The following CYP19A1 variants were observed in gnomAD, a reference collection of about 807,000 sequenced individuals.
CYP19A1 encodes aromatase.
CYP19A1 carries 32 observed loss-of-function variants against 44.4 expected under a neutral mutation model. The ratio of observed to expected loss-of-function variants is 0.72; its 90% CI spans 0.54 to 0.97. The LOEUF (loss-of-function observed/expected upper bound fraction) is 0.97. Ranked by LOEUF, CYP19A1 falls within the 50% of genes least tolerant of loss-of-function variation. The pLI is 0.00. For missense variants in CYP19A1, 598 were observed against 637.8 expected (o/e 0.94, Z 0.67); for synonymous variants, 212 against 215.6 (o/e 0.98, Z 0.14).
At chr15:51,249,026 G>A (rs893862867) in intron 1 of CYP19A1, among the ~76,000 whole-genome samples, 13 of 150,060 alleles carry the variant, frequency 8.7e-5, no homozygotes, top group Admixed American at 6.0e-4. Context: ...TGCAACCTCC[G>A]CCTCCCAGGT....
chr15:51,222,525 G>C lies in CYP19A1; in HGVS notation c.452C>G (p.Ala151Gly), dbSNP rs1257816434. 6.2e-7 allele frequency: 1 copy of C among 1,612,444 alleles called. No individual in the cohort carries two copies. The highest frequency in any genetic ancestry group is 2.2e-5 in the East Asian group (1 of 44,776). ...WKTTRPFFMK[A>G]LSGPGLVRMV... ...ACGAACAAGGCCGGGGCCTGACAGAGCTGCAGAGTACACATCAGAGAATCA... is the reference window on the plus strand; with the variant it reads ...ACGAACAAGGCCGGGGCCTGACAGACCTGCAGAGTACACATCAGAGAATCA... Residue 151 changes from alanine (A) to glycine (G), a missense_variant and splice_region_variant, in exon 5 of 10, where the codon GCT becomes GGT. By Grantham distance (60) the Ala-to-Gly change is moderately conservative (BLOSUM62 0). Coordinates refer to ENST00000396402, the MANE Select transcript of CYP19A1 (RefSeq NM_000103.4).
At chr15:51,233,422 T>G (rs1284436896) in intron 3 of CYP19A1, among the ~76,000 whole-genome samples, 1 of 152,238 alleles carries the variant, frequency 6.6e-6, no homozygotes, top group African/African-American at 2.4e-5. Flanking sequence ...AAAGGAATTT[T>G]GGCTGGTTTG....
At chr15:51,237,877 C>T (rs2033507027) in intron 2 of CYP19A1, among the ~76,000 whole-genome samples, 2 of 152,218 alleles carry the variant, frequency 1.3e-5, no homozygotes, top group Non-Finnish European at 2.9e-5. Context: ...AGAATGTTTT[C>T]AGGAGTTGAC....
At chr15:51,285,176 T>A (rs1189482808) in intron 1 of CYP19A1, among the ~76,000 whole-genome samples, 1 of 152,198 alleles carries the variant, frequency 6.6e-6, no homozygotes, top group Admixed American at 6.5e-5. Context: ...CTACCCTGAA[T>A]ACAAGAGACC....
intron 1 of CYP19A1, among the ~76,000 whole-genome samples, chr15:51,284,066 G>C (rs1054840343): frequency 2.0e-5 from 3 of 152,158 alleles, no homozygotes; most frequent in Non-Finnish European, 4.4e-5. Context: ...GATTATACCA[G>C]AGAAATTCAA....
intron 1 of CYP19A1, among the ~76,000 whole-genome samples, chr15:51,310,141 C>T (rs1363032164): frequency 6.6e-6 from 1 of 152,192 alleles, no homozygotes; most frequent in Non-Finnish European, 1.5e-5. Flanking sequence ...TGTTGCTCAA[C>T]TTCTAGTTCC....
chr15:51,290,304 C>A (rs893773442), intron 1 of CYP19A1, among the ~76,000 whole-genome samples: 3 of 152,194 alleles, frequency 2.0e-5, no homozygotes, highest in African/African-American at 7.2e-5. Context: ...CAGCAAAGTT[C>A]GCAGCACATG....
intron 3 of CYP19A1, among the ~76,000 whole-genome samples, chr15:51,232,740 G>T (rs910987425): frequency 6.6e-6 from 1 of 151,698 alleles, no homozygotes; most frequent in Non-Finnish European, 1.5e-5. Context: ...CATCTCTACT[G>T]CTACCACCTG....
At chr15:51,317,431 G>A (rs975569817) in intron 1 of CYP19A1, among the ~76,000 whole-genome samples, 2 of 152,094 alleles carry the variant, frequency 1.3e-5, no homozygotes, top group African/African-American at 2.4e-5. Context: ...CTTCTAACTT[G>A]CTAAATAAAT....
intron 1 of CYP19A1, among the ~76,000 whole-genome samples, chr15:51,283,881 T>A (rs1215773741): frequency 6.6e-6 from 1 of 152,190 alleles, no homozygotes; most frequent in African/African-American, 2.4e-5. Flanking sequence ...CAGCAGGCAG[T>A]GTTGCCATAG....
At chr15:51,282,225 C>T (rs959935410) in intron 1 of CYP19A1, among the ~76,000 whole-genome samples, 1 of 152,140 alleles carries the variant, frequency 6.6e-6, no homozygotes, top group Admixed American at 6.5e-5. Context: ...CCCTAAGATA[C>T]AACACTTCAT....
rs375705450 is a variant in CYP19A1, at chr15:51,230,387, C to T, written c.297-2454G>A. Among the ~76,000 whole-genome samples the T allele has an allele frequency of 7.2e-5, 11 of 152,294 alleles. No homozygotes were observed. The East Asian group carries it at 9.6e-4, about 13-fold the overall frequency. ...CAGCCTCAGCAGGGACAGTGCACAG[C>T]GTTGGGTGTCTGATCACTAGGGTTA... On this transcript the variant is annotated intron_variant, in intron 3 of 9. Transcript: ENST00000396402.
chr15:51,282,130 C>A (rs2035540048), intron 1 of CYP19A1, among the ~76,000 whole-genome samples: 1 of 152,178 alleles, frequency 6.6e-6, no homozygotes, highest in Non-Finnish European at 1.5e-5. Flanking sequence ...AGTAAAGGAG[C>A]AGCAGACCTC....
chr15:51,239,792 G>T (rs151112358), intron 2 of CYP19A1, among the ~76,000 whole-genome samples: 2 of 152,280 alleles, frequency 1.3e-5, no homozygotes, highest in South Asian at 2.1e-4. Context: ...ATTTGTCACC[G>T]CACTGTCCAG....
At chr15:51,248,213 G>T (rs1301096929) in intron 1 of CYP19A1, among the ~76,000 whole-genome samples, 1 of 152,150 alleles carries the variant, frequency 6.6e-6, no homozygotes, top group Non-Finnish European at 1.5e-5. Flanking sequence ...CTGCAGCACA[G>T]CCCTCCTCTC....
intron 1 of CYP19A1, among the ~76,000 whole-genome samples, chr15:51,311,194 T>C (rs2036303733): frequency 6.6e-6 from 1 of 152,178 alleles, no homozygotes; most frequent in African/African-American, 2.4e-5. Context: ...GAAGCATCTA[T>C]TATAATCATC....
intron 9 of CYP19A1, among the ~76,000 whole-genome samples, chr15:51,211,403 G>T (rs28757203): frequency 4.2e-4 from 64 of 152,308 alleles, no homozygotes; most frequent in African/African-American, 1.5e-3. Context: ...CTAAGGCAAA[G>T]ATTATTTTTG....
chr15:51,335,616 G>C (rs1407400082), intron 1 of CYP19A1, among the ~76,000 whole-genome samples: 1 of 152,194 alleles, frequency 6.6e-6, no homozygotes, highest in East Asian at 1.9e-4. Context: ...CTTATTTCCA[G>C]GTGGTTTTAA....
chr15:51,248,933 C>CT (rs375834140), intron 1 of CYP19A1, among the ~76,000 whole-genome samples: 4,245 of 140,372 alleles, frequency 0.03, 86 homozygotes, highest in Middle Eastern at 0.054. Context: ...TCAAATTCAT[C>CT]TTTTTTTTTT....
Sources: gnomAD v4.1 joint callset for allele counts (sites outside exome capture counted in the v4.1 genomes callset) on GRCh38, gnomAD v4.1.1 for gene constraint, MANE v1.5 for transcripts, NCBI Gene and HGNC (gene_info 2026-07-23, HGNC 2026-07-21) for gene names.